The following ADK variants were observed in gnomAD, a reference collection of about 807,000 sequenced individuals.
The protein encoded by ADK is N6,N6-dimethyladenosine kinase.
Under a neutral mutation model 44.7 loss-of-function variants are expected in ADK, and 24 were observed. The observed-to-expected ratio is 0.54, with a 90% CI of 0.39 to 0.76. The LOEUF (loss-of-function observed/expected upper bound fraction) is 0.76, where lower values mean the gene tolerates loss of function less well. ADK is among the 30% of genes least tolerant of loss of function. The pLI is 0.00. For missense variants in ADK, 321 were observed against 425.1 expected, an observed-to-expected ratio of 0.76 and a Z score of 2.15; for synonymous variants, 128 against 142.6, an observed-to-expected ratio of 0.90 and a Z score of 0.73.
chr10:74,306,349 T>C (rs1592020991), intron 3 of ADK, among the ~76,000 whole-genome samples: 1 of 152,298 alleles, frequency 6.6e-6, no homozygotes, highest in Non-Finnish European at 1.5e-5. Context: ...TTTCTAGCTG[T>C]CTGAAGAGTC....
chr10:74,501,102 C>A (rs1031697937), intron 6 of ADK, among the ~76,000 whole-genome samples: 1 of 152,122 alleles, frequency 6.6e-6, no homozygotes, highest in African/African-American at 2.4e-5. Flanking sequence ...ATAAACAATG[C>A]AAACTTCAGA....
chr10:74,288,454 A>G (rs973503887), intron 3 of ADK, among the ~76,000 whole-genome samples: 1 of 152,182 alleles, frequency 6.6e-6, no homozygotes, highest in Non-Finnish European at 1.5e-5. Context: ...GTTCGAGACC[A>G]GCCTGGCCAA....
intron 7 of ADK, among the ~76,000 whole-genome samples, chr10:74,527,353 G>A (rs1462589705): frequency 9.1e-5 from 13 of 142,434 alleles, no homozygotes; most frequent in African/African-American, 3.6e-4. Context: ...GCGAGACTCC[G>A]TCTCAAAAAA....
At chr10:74,368,634 CTT>C (rs200617775) in intron 4 of ADK, among the ~76,000 whole-genome samples, 9 of 144,642 alleles carry the variant, frequency 6.2e-5, no homozygotes, top group Non-Finnish European at 6.1e-5. Flanking sequence ...CTGAAATATT[CTT>C]TTTTTTTTTT....
At position 74,474,519 on chromosome 10, in the gene ADK, CCCTTTCTTT is replaced by C. The variant is rs756682456; in HGVS notation, c.556-50720_556-50712del. Among the ~76,000 whole-genome samples the C allele has an allele frequency of 3.1e-3, 472 of 150,802 alleles. 3 individuals are homozygous for C. Among genetic ancestry groups the C allele is most frequent in the Non-Finnish European group, 4.1e-3 (274 of 67,640 alleles). On this transcript the variant is annotated intron_variant, in intron 6 of 10. Coordinates refer to ENST00000539909, the MANE Select transcript of ADK (RefSeq NM_006721.4). ...TCCTCTCCTTTCCTTCCCTTCCCTT[CCCTTTCTTT>C]CCTTTCTTTCCTTTCTCTCCTTTCT...
chr10:74,486,815 G>C (rs1847283023), intron 6 of ADK, among the ~76,000 whole-genome samples: 1 of 152,054 alleles, frequency 6.6e-6, no homozygotes, highest in Non-Finnish European at 1.5e-5. Context: ...GTATAATCCT[G>C]CTGGCACATG....
intron 4 of ADK, among the ~76,000 whole-genome samples, chr10:74,329,900 G>A (rs1224908488): frequency 1.3e-5 from 2 of 152,014 alleles, no homozygotes; most frequent in Non-Finnish European, 2.9e-5. Context: ...GATGGCTCAC[G>A]CTTATAATCC....
At chr10:74,153,265 GA>G (rs201663357) in intron 1 of ADK, among the ~76,000 whole-genome samples, 337 of 152,268 alleles carry the variant, frequency 2.2e-3, no homozygotes, top group African/African-American at 7.7e-3. Flanking sequence ...CCCTCCAGGG[GA>G]CATTTGGCGT....
rs1225952302 is a variant in ADK, at chr10:74,357,501, A to G, written c.274-36640A>G. Among the ~76,000 whole-genome samples the G allele has an allele frequency of 1.0e-4, 14 of 138,090 alleles. No homozygotes were observed. The South Asian group carries it at 2.0e-3, about 20-fold the overall frequency. The allele number at this position is 138,090 out of a possible 152,430, so 90.6% of individuals were successfully genotyped here. On this transcript the variant is annotated intron_variant, in intron 4 of 10. Transcript: ENST00000539909. ...TTTTTTTAAGAGACAGGGTTTTGTC[A>G]TGTTGCCGAGGCTGGTCTCAAACTC...
intron 2 of ADK, among the ~76,000 whole-genome samples, chr10:74,220,306 C>G (rs1844252482): frequency 6.6e-6 from 1 of 152,140 alleles, no homozygotes; most frequent in South Asian, 2.1e-4. Flanking sequence ...TACACCCTCC[C>G]AAGACTAAAC....
At chr10:74,368,288 T>G (rs549735118) in intron 4 of ADK, among the ~76,000 whole-genome samples, 1 of 152,238 alleles carries the variant, frequency 6.6e-6, no homozygotes, top group South Asian at 2.1e-4. Flanking sequence ...AATTTTTGTA[T>G]TTTTTGTAGA....
chr10:74,237,602 C>G (rs10824124), intron 3 of ADK, among the ~76,000 whole-genome samples: 26,002 of 152,128 alleles, frequency 0.17, 2,602 homozygotes, highest in African/African-American at 0.28. Flanking sequence ...TTTGTCTGAT[C>G]CATCAGAGGA....
intron 9 of ADK, among the ~76,000 whole-genome samples, chr10:74,669,081 G>A (rs951010966): frequency 1.1e-4 from 17 of 151,952 alleles, no homozygotes; most frequent in African/African-American, 3.9e-4. Flanking sequence ...AAGTGAATGA[G>A]TCCTCTTCTT....
intron 2 of ADK, among the ~76,000 whole-genome samples, chr10:74,218,299 C>T (rs532579132): frequency 7.9e-5 from 12 of 151,818 alleles, no homozygotes; most frequent in South Asian, 2.1e-4. Context: ...TGAAATGAAG[C>T]GAGAAGGGAA....
chr10:74,462,216 G>T (rs1018105193), intron 6 of ADK, among the ~76,000 whole-genome samples: 1 of 151,906 alleles, frequency 6.6e-6, no homozygotes, highest in African/African-American at 2.4e-5. Flanking sequence ...ATCATTAATA[G>T]ATTTTTATAT....
chr10:74,312,793 A>G (rs1840482136), intron 3 of ADK, among the ~76,000 whole-genome samples: 1 of 150,670 alleles, frequency 6.6e-6, no homozygotes, highest in Non-Finnish European at 1.5e-5. Flanking sequence ...GCATGCCTGT[A>G]TTCCCAGCTA....
intron 1 of ADK, among the ~76,000 whole-genome samples, chr10:74,179,907 C>G (rs1394296403): frequency 6.6e-6 from 1 of 152,070 alleles, no homozygotes; most frequent in Non-Finnish European, 1.5e-5. Context: ...AGATCGGGAC[C>G]CCTTTCTGTT....
chr10:74,215,447 A>G (rs1843976129), intron 2 of ADK, among the ~76,000 whole-genome samples: 1 of 151,986 alleles, frequency 6.6e-6, no homozygotes, highest in Non-Finnish European at 1.5e-5. Context: ...AGTAGCTGGG[A>G]CCACAGGCGC....
intron 3 of ADK, among the ~76,000 whole-genome samples, chr10:74,314,263 T>C (rs1840543640): frequency 6.6e-6 from 1 of 152,052 alleles, no homozygotes; most frequent in South Asian, 2.1e-4. Context: ...GAAAACTCTG[T>C]TAGTTGTCTG....
Sources: gnomAD v4.1 joint callset for allele counts (sites outside exome capture counted in the v4.1 genomes callset) on GRCh38, gnomAD v4.1.1 for gene constraint, MANE v1.5 for transcripts, NCBI Gene and HGNC (gene_info 2026-07-23, HGNC 2026-07-21) for gene names.